The following ADGRV1 variants were observed in gnomAD, a reference collection of about 807,000 sequenced individuals.
ADGRV1 encodes the protein G-protein coupled receptor 98.
ADGRV1 carries 359 observed loss-of-function variants against 596.2 expected under a neutral mutation model. The observed-to-expected ratio is 0.60, with a 90% CI of 0.55 to 0.66. The LOEUF is 0.66. Ranked by LOEUF, ADGRV1 falls within the 30% of genes least tolerant of loss-of-function variation. The pLI is 0.00. For missense variants in ADGRV1, 7,274 were observed against 7,575.6 expected, an observed-to-expected ratio of 0.96 and a Z score of 1.48; for synonymous variants, 2,681 against 2,679.2, an observed-to-expected ratio of 1.00 and a Z score of -0.02.
intron 83 of ADGRV1, among the ~76,000 whole-genome samples, chr5:90,875,817 CA>C (rs1409567401): frequency 2.6e-5 from 4 of 151,914 alleles, no homozygotes; most frequent in African/African-American, 7.3e-5. Flanking sequence ...GTCTGTGTTC[CA>C]AAGGAATGAA....
chr5:91,123,405 C>A (rs187856280), intron 87 of ADGRV1, among the ~76,000 whole-genome samples: 2 of 152,176 alleles, frequency 1.3e-5, no homozygotes, highest in Non-Finnish European at 2.9e-5. Flanking sequence ...GCCTGTTTCT[C>A]GTAGATGGTG....
At position 90,710,426 on chromosome 5, in the gene ADGRV1, A is replaced by G. The variant is rs569279095; in HGVS notation, c.8825-555A>G. Reference sequence around the variant, plus strand: ...TAAGTTTGGTGGATAGAATAAAAATAAAAAGGGAAGATAAGTTTACTTTGA... The same window carrying G: ...TAAGTTTGGTGGATAGAATAAAAATGAAAAGGGAAGATAAGTTTACTTTGA... On this transcript the variant is annotated intron_variant, in intron 39 of 89. Transcript: ENST00000405460. Among the ~76,000 whole-genome samples, 17 of 152,306 alleles carry G rather than the reference A, an allele frequency of 1.1e-4. No individual in the cohort carries two copies. The South Asian group carries it at 3.3e-3, about 30-fold the overall frequency.
intron 21 of ADGRV1, among the ~76,000 whole-genome samples, chr5:90,664,527 G>A (rs946290819): frequency 7.1e-6 from 1 of 141,282 alleles, no homozygotes; most frequent in Admixed American, 7.4e-5. Flanking sequence ...AGACAGTGGG[G>A]TTTTCTAGAT....
At chr5:90,590,424 A>G (rs1322126977) in intron 1 of ADGRV1, among the ~76,000 whole-genome samples, 1 of 152,138 alleles carries the variant, frequency 6.6e-6, no homozygotes, top group Non-Finnish European at 1.5e-5. Flanking sequence ...GAGGCTAACT[A>G]GATATGTCTC....
At chr5:90,689,405 A>G (rs1746167419) in intron 29 of ADGRV1, among the ~76,000 whole-genome samples, 1 of 150,552 alleles carries the variant, frequency 6.6e-6, no homozygotes, top group Admixed American at 6.6e-5. Flanking sequence ...AATCTATGCA[A>G]GAAAGTCTTT....
chr5:91,091,341 T>TA (rs1466310665), intron 86 of ADGRV1, among the ~76,000 whole-genome samples: 1 of 152,228 alleles, frequency 6.6e-6, no homozygotes, highest in Non-Finnish European at 1.5e-5. Context: ...CCCTACTCTT[T>TA]AAAGAGTGAA....
intron 65 of ADGRV1, among the ~76,000 whole-genome samples, chr5:90,782,093 T>C (rs1210784509): frequency 6.6e-6 from 1 of 152,184 alleles, no homozygotes; most frequent in Admixed American, 6.6e-5. Context: ...GTTATATTCC[T>C]TCCCAGGTAG....
At chr5:90,950,494 G>A (rs1776967231) in intron 83 of ADGRV1, among the ~76,000 whole-genome samples, 1 of 152,090 alleles carries the variant, frequency 6.6e-6, no homozygotes, top group East Asian at 1.9e-4. Flanking sequence ...GCTAATTTTT[G>A]TATTTTGAGT....
intron 1 of ADGRV1, among the ~76,000 whole-genome samples, chr5:90,597,095 G>T (rs533249863): frequency 1.3e-5 from 2 of 152,342 alleles, no homozygotes; most frequent in South Asian, 4.1e-4. Context: ...ATGTTTGAGG[G>T]ACTGGTAGGA....
intron 78 of ADGRV1, among the ~76,000 whole-genome samples, chr5:90,842,666 C>T (rs909491822): frequency 1.3e-5 from 2 of 151,792 alleles, no homozygotes; most frequent in African/African-American, 4.8e-5. Context: ...TGCAGTGAGC[C>T]GAGATGGTGC....
At chr5:91,148,976 G>C (rs1478128483) in intron 87 of ADGRV1, among the ~76,000 whole-genome samples, 1 of 152,158 alleles carries the variant, frequency 6.6e-6, no homozygotes, top group African/African-American at 2.4e-5. Context: ...TTGCCCCTCT[G>C]TTTTGACCAA....
At chr5:90,856,761 A>G (rs1310514549) in intron 82 of ADGRV1, among the ~76,000 whole-genome samples, 1 of 152,202 alleles carries the variant, frequency 6.6e-6, no homozygotes, top group Non-Finnish European at 1.5e-5. Flanking sequence ...GGATCAAATT[A>G]CTTAGTTTCT....
intron 83 of ADGRV1, among the ~76,000 whole-genome samples, chr5:90,877,639 T>G (rs912152590): frequency 1.3e-5 from 2 of 151,618 alleles, no homozygotes; most frequent in African/African-American, 4.8e-5. Flanking sequence ...TAAAGAATAA[T>G]TCCTCATAAC....
intron 86 of ADGRV1, among the ~76,000 whole-genome samples, chr5:91,085,261 T>C (rs993711748): frequency 5.3e-5 from 8 of 152,142 alleles, no homozygotes; most frequent in Non-Finnish European, 8.8e-5. Flanking sequence ...CACACATATA[T>C]ATAGAAAAAA....
chr5:90,748,436 A>G (rs577871691), intron 52 of ADGRV1, among the ~76,000 whole-genome samples: 19 of 150,976 alleles, frequency 1.3e-4, no homozygotes, highest in African/African-American at 4.6e-4. Flanking sequence ...TCAACATAAA[A>G]TTATTGAGGA....
At chr5:90,666,564 A>T (rs1316498872) in intron 21 of ADGRV1, among the ~76,000 whole-genome samples, 1 of 127,640 alleles carries the variant, frequency 7.8e-6, no homozygotes, top group East Asian at 2.8e-4. Context: ...TTGACTATCC[A>T]ATTTGCCAGT....
At chr5:90,730,030 T>C (rs1197302332) in intron 50 of ADGRV1, among the ~76,000 whole-genome samples, 1 of 152,176 alleles carries the variant, frequency 6.6e-6, no homozygotes, top group African/African-American at 2.4e-5. Flanking sequence ...CATGTCTGGC[T>C]AATTTTTTTG....
chr5:91,058,707 A>G (rs772419832), intron 85 of ADGRV1, among the ~76,000 whole-genome samples: 2 of 152,210 alleles, frequency 1.3e-5, no homozygotes, highest in African/African-American at 2.4e-5. Context: ...TGACTTTTCA[A>G]ATTGGACCAA....
At position 90,625,163 on chromosome 5, in the gene ADGRV1, T is replaced by C. The variant is rs747403211; in HGVS notation, c.592T>C (p.Leu198=). ...TGGCCCAAATCCCCCTGATGAAGAT[T>C]TGAGTCCAGTTAAAGGAAATATCAC... The part of the protein sequence containing the change: ...EGGPNPPDED[L]SPVKGNITFP... The change falls in exon 6 of 90, where the codon TTG becomes CTG. Residue 198 remains leucine, a synonymous_variant. Coordinates refer to ENST00000405460, the MANE Select transcript of ADGRV1 (RefSeq NM_032119.4). 1.2e-6 allele frequency: 2 copies of C among 1,613,336 alleles called. No homozygotes were observed. The highest frequency in any genetic ancestry group is 3.3e-4 in the Middle Eastern group (2 of 6,062).
Sources: gnomAD v4.1 joint callset for allele counts (sites outside exome capture counted in the v4.1 genomes callset) on GRCh38, gnomAD v4.1.1 for gene constraint, MANE v1.5 for transcripts, NCBI Gene and HGNC (gene_info 2026-07-23, HGNC 2026-07-21) for gene names.